The following PDE8B variants were observed in gnomAD, a reference collection of about 807,000 sequenced individuals.
The protein encoded by PDE8B is phosphodiesterase 8B, also known as high affinity cAMP-specific and IBMX-insensitive 3',5'-cyclic phosphodiesterase 8B.
PDE8B carries 26 observed loss-of-function variants against 101.3 expected under a neutral mutation model. That is an observed-to-expected ratio of 0.26 (90% CI 0.19 to 0.36). PDE8B has a LOEUF of 0.36. Ranked by LOEUF, PDE8B falls within the 10% of genes least tolerant of loss-of-function variation. The probability of loss-of-function intolerance (pLI) is 1.00; values close to 1 mark genes in which losing one functional copy is unlikely to be tolerated. For missense variants in PDE8B, 810 were observed against 1,163.1 expected (o/e 0.70, Z 4.42); for synonymous variants, 424 against 429.3 (o/e 0.99, Z 0.15).
At chr5:77,413,794 T>C (rs746672514) in intron 17 of PDE8B, among the ~76,000 whole-genome samples, 9 of 152,212 alleles carry the variant, frequency 5.9e-5, no homozygotes, top group Non-Finnish European at 1.3e-4. Flanking sequence ...TTTATATTAA[T>C]GACTTTTGCA....
the PDE8B span, among the ~76,000 whole-genome samples, chr5:77,189,958 G>C: frequency 6.6e-6 from 1 of 152,178 alleles, no homozygotes; most frequent in Non-Finnish European, 1.5e-5. Context: ...TTTGTAAGTG[G>C]ACCTAACAGG....
intron 11 of PDE8B, among the ~76,000 whole-genome samples, chr5:77,402,530 T>G (rs1792502497): frequency 6.6e-6 from 1 of 152,166 alleles, no homozygotes; most frequent in Non-Finnish European, 1.5e-5. Flanking sequence ...GTTAAGAAGG[T>G]GGTCTAGAAA....
chr5:77,122,250 T>C, the PDE8B span, among the ~76,000 whole-genome samples: 1 of 152,216 alleles, frequency 6.6e-6, no homozygotes, highest in Non-Finnish European at 1.5e-5. Context: ...CATCAATAGA[T>C]GTCCCTGTGA....
chr5:77,333,932 G>T (rs1777618494), intron 5 of PDE8B, among the ~76,000 whole-genome samples: 1 of 152,218 alleles, frequency 6.6e-6, no homozygotes. Context: ...GTGTTCTTCA[G>T]TGCTGGCCCT....
At chr5:77,115,276 T>C in the PDE8B span, 1 of 152,246 alleles carries the variant, frequency 6.6e-6, no homozygotes, top group East Asian at 1.9e-4. Context: ...TATATCTTCT[T>C]ATTCTTTTTA....
At chr5:77,121,427 G>A in the PDE8B span, among the ~76,000 whole-genome samples, 4 of 151,950 alleles carry the variant, frequency 2.6e-5, no homozygotes, top group South Asian at 2.1e-4. Context: ...GAAATCACCC[G>A]CTGTCACTTC....
At chr5:77,170,513 G>A in the PDE8B span, among the ~76,000 whole-genome samples, 6 of 152,188 alleles carry the variant, frequency 3.9e-5, no homozygotes, top group Non-Finnish European at 5.9e-5. Context: ...TCTGAGCCAA[G>A]CCTGGAAAGG....
intron 4 of PDE8B, among the ~76,000 whole-genome samples, chr5:77,330,493 CT>C (rs955673039): frequency 5.3e-5 from 8 of 152,264 alleles, no homozygotes; most frequent in African/African-American, 1.9e-4. Context: ...CCTTGGAACC[CT>C]TTTTGTGGCC....
In PDE8B at chr5:77,211,151, A is replaced by G; in HGVS notation, c.226A>G (p.Ser76Gly). ...CCGCAGGGCCCGCACCGAGCTGGGC[A>G]GCGGTAGCAGCGCGGGTTCCGCAGC... ...RVRRARTELGSGSSAGSAAPA... is the reference protein window; with the variant it reads ...RVRRARTELGGGSSAGSAAPA... The change falls in exon 1 of 22, where the codon AGC becomes GGC. Residue 76 changes from serine (S) to glycine (G), a missense_variant. Physicochemically the swap from Ser to Gly is moderately conservative, Grantham distance 56 (BLOSUM62 0). This residue lies in a region of PDE8B where 159 missense variants were observed against 146.6 expected (regional missense o/e 1.08). Coordinates refer to ENST00000264917, the MANE Select transcript of PDE8B (RefSeq NM_003719.5). The surrounding 1 kb of genome is among the most constrained non-coding windows in gnomAD (Gnocchi z 4.1). The G allele has an allele frequency of 6.5e-7, 1 of 1,529,908 alleles. No homozygotes were observed. The highest frequency in any genetic ancestry group is 8.7e-7 in the Non-Finnish European group (1 of 1,144,796). The allele number at this position is 1,529,908 out of a possible 1,614,324, so 94.8% of individuals were successfully genotyped here. A position where few individuals can be genotyped will look rare whatever the true frequency, so the allele number is the denominator to read the frequency against.
the PDE8B span, among the ~76,000 whole-genome samples, chr5:77,115,949 C>T: frequency 4.7e-3 from 717 of 152,094 alleles, 6 homozygotes; most frequent in African/African-American, 0.016. Context: ...AAATAAGAAA[C>T]CTAGCAGAGT....
intron 5 of PDE8B, among the ~76,000 whole-genome samples, chr5:77,336,355 C>T (rs1778193916): frequency 6.6e-6 from 1 of 152,178 alleles, no homozygotes; most frequent in Non-Finnish European, 1.5e-5. Flanking sequence ...TCATCATTCC[C>T]AAATGTGTTC....
At chr5:77,331,913 C>G (rs961978223) in intron 5 of PDE8B, among the ~76,000 whole-genome samples, 1 of 152,180 alleles carries the variant, frequency 6.6e-6, no homozygotes, top group African/African-American at 2.4e-5. Flanking sequence ...TGTAAACTCC[C>G]GGTTGAAACC....
chr5:77,422,128 C>CGGGGG, intron 20 of PDE8B, 140 bp downstream of exon 20: 2 of 904,136 alleles, frequency 2.2e-6, no homozygotes, highest in South Asian at 2.9e-5. Context: ...AGCTTACCCC[C>CGGGGG]ACCTGGGGTA....
At chr5:77,104,460 C>A in the PDE8B span, 2 of 151,996 alleles carry the variant, frequency 1.3e-5, no homozygotes, top group Non-Finnish European at 2.9e-5. Context: ...GGGATTAAGG[C>A]CTTTATAAAA....
intron 20 of PDE8B, among the ~76,000 whole-genome samples, 155 bp downstream of exon 20, chr5:77,422,143 T>C (rs1412061382): frequency 1.3e-5 from 2 of 152,230 alleles, no homozygotes; most frequent in Non-Finnish European, 2.9e-5. Context: ...GGGGTAGGCT[T>C]CTGGTTCCTT....
intron 10 of PDE8B, among the ~76,000 whole-genome samples, chr5:77,366,838 G>T (rs1425027244): frequency 6.6e-6 from 1 of 152,142 alleles, no homozygotes; most frequent in African/African-American, 2.4e-5. Context: ...AGGTTCTAGG[G>T]GCTTCGGGGC....
At chr5:77,173,973 T>C in the PDE8B span, among the ~76,000 whole-genome samples, 1 of 152,218 alleles carries the variant, frequency 6.6e-6, no homozygotes, top group African/African-American at 2.4e-5. Context: ...GAAGTTATGC[T>C]GGGACCAACC....
intron 8 of PDE8B, 114 bp from the exon 9 acceptor site, chr5:77,350,951 G>A (rs903234505): frequency 1.3e-6 from 1 of 790,406 alleles, no homozygotes; most frequent in Admixed American, 2.0e-5. Flanking sequence ...AGCAGGCATT[G>A]GGAAATGTAA....
intron 1 of PDE8B, among the ~76,000 whole-genome samples, chr5:77,241,866 A>G (rs1755831214): frequency 6.6e-6 from 1 of 152,256 alleles, no homozygotes; most frequent in African/African-American, 2.4e-5. Context: ...CAGCTGCTGT[A>G]GCTGCTATAA....
Sources: allele counts gnomAD v4.1 joint callset (sites outside exome capture counted in the v4.1 genomes callset), GRCh38; gene constraint gnomAD v4.1.1; regional missense constraint gnomAD v4.1.1; non-coding constraint Gnocchi (gnomAD v3.1); transcripts MANE v1.5; gene names NCBI Gene and HGNC (gene_info 2026-07-23, HGNC 2026-07-21).